Variants in PKP4 observed in about 807,000 individuals in gnomAD.
PKP4 encodes the protein plakophilin 4, also known as plakophilin-4.
Under a neutral mutation model 145.1 loss-of-function variants are expected in PKP4, and 90 were observed. The observed-to-expected ratio is 0.62, with a 90% CI of 0.52 to 0.74. The LOEUF is 0.74. PKP4 is among the 30% of genes least tolerant of loss of function. The pLI, the probability that PKP4 is intolerant of heterozygous loss-of-function variation, is 0.00. For missense variants in PKP4, 1,340 were observed against 1,482.7 expected (o/e 0.90, Z 1.58); for synonymous variants, 563 against 577.2 (o/e 0.98, Z 0.35).
chr2:158,533,287 A>G lies in PKP4; in HGVS notation c.103A>G (p.Thr35Ala), dbSNP rs1168104813. The change falls in exon 2 of 22, where the codon ACC (threonine) becomes GCC (alanine). Residue 35 changes from threonine (T) to alanine (A), a missense_variant. Coordinates refer to ENST00000389759, the MANE Select transcript of PKP4 (RefSeq NM_003628.6). ...GPGMEPETTATTILASVKEQE... is the reference protein window; with the variant it reads ...GPGMEPETTAATILASVKEQE... The stretch of plus-strand genomic sequence containing the variant: ...AGGCATGGAACCCGAGACCACAGCC[A>G]CCACTATTCTAGCATCCGTGAAGGA... 2 of 1,614,104 alleles carry G rather than the reference A, an allele frequency of 1.2e-6. No individual in the cohort carries two copies. Among genetic ancestry groups the G allele is most frequent in the African/African-American group, 1.3e-5 (1 of 74,942 alleles).
chr2:158,614,987 G>A (rs2051455202), intron 4 of PKP4, among the ~76,000 whole-genome samples: 2 of 150,620 alleles, frequency 1.3e-5, no homozygotes, highest in Non-Finnish European at 3.0e-5. Flanking sequence ...TAGTCTGCAT[G>A]TGGCTTTATC....
chr2:158,679,059 G>A (rs1275124065), intron 21 of PKP4: 5 of 172,372 alleles, frequency 2.9e-5, no homozygotes, highest in East Asian at 1.5e-4. Context: ...TCTCCATCTC[G>A]CCCCTCCCTG....
intron 2 of PKP4, among the ~76,000 whole-genome samples, chr2:158,537,356 G>C (rs1028101700): frequency 2.0e-5 from 3 of 152,204 alleles, no homozygotes; most frequent in African/African-American, 2.4e-5. Context: ...CGAAAGTTAA[G>C]TTTAGGGAAT....
chr2:158,501,384 C>T (rs899551981), intron 1 of PKP4, among the ~76,000 whole-genome samples: 19 of 152,334 alleles, frequency 1.2e-4, no homozygotes, highest in African/African-American at 4.1e-4. Flanking sequence ...TTGCTACATG[C>T]CAGGTTGGTT....
chr2:158,535,310 G>C (rs889006817), intron 2 of PKP4, among the ~76,000 whole-genome samples: 15 of 152,174 alleles, frequency 9.9e-5, no homozygotes, highest in Non-Finnish European at 8.8e-5. Flanking sequence ...AAAATTTACT[G>C]GTCAGAGTGT....
chr2:158,497,931 G>T (rs1695978066), intron 1 of PKP4, among the ~76,000 whole-genome samples: 1 of 152,184 alleles, frequency 6.6e-6, no homozygotes. Context: ...CAAAACAGAA[G>T]TGTAGGGTGG....
chr2:158,488,331 A>G (rs1694470716), intron 1 of PKP4, among the ~76,000 whole-genome samples: 1 of 152,160 alleles, frequency 6.6e-6, no homozygotes, highest in African/African-American at 2.4e-5. Flanking sequence ...GCTTCTCATC[A>G]ACACTTTTCC....
intron 2 of PKP4, among the ~76,000 whole-genome samples, chr2:158,561,932 C>A (rs2046561372): frequency 6.7e-6 from 1 of 149,250 alleles, no homozygotes; most frequent in Non-Finnish European, 1.5e-5. Flanking sequence ...CCCCCCAGCC[C>A]CCCACCCCCC....
chr2:158,514,231 G>T (rs2041754504), intron 1 of PKP4, among the ~76,000 whole-genome samples: 1 of 152,298 alleles, frequency 6.6e-6, no homozygotes, highest in African/African-American at 2.4e-5. Flanking sequence ...GATCTGCTGA[G>T]AATGCAGTGG....
intron 1 of PKP4, among the ~76,000 whole-genome samples, chr2:158,528,626 T>G (rs1574308014): frequency 4.8e-5 from 2 of 41,446 alleles, no homozygotes; most frequent in South Asian, 2.9e-3. Flanking sequence ...CCCTAGAACT[T>G]AAAGTATAAT....
rs1198567417 is a variant in PKP4, at chr2:158,658,027, GT to G, written c.1910-101del. 1.1e-5 allele frequency: 8 copies of G among 724,262 alleles called. No individual in the cohort carries two copies. The African/African-American group carries it at 1.3e-4, about 11-fold the overall frequency. 44.9% of individuals were successfully genotyped at this position (724,262 alleles called of 1,614,324 possible). On this transcript the variant is annotated intron_variant, in intron 11 of 21. Coordinates refer to ENST00000389759, the MANE Select transcript of PKP4 (RefSeq NM_003628.6). ...GTTGCAAATATAGGCCATAGATTAG[GT>G]TTGGAACAGACTGACTTCATATTAA...
chr2:158,546,794 T>C (rs1261925756), intron 2 of PKP4, among the ~76,000 whole-genome samples: 2 of 151,952 alleles, frequency 1.3e-5, no homozygotes, highest in Non-Finnish European at 2.9e-5. Context: ...AATGCTGAAA[T>C]CTCAAAGTTG....
At chr2:158,654,999 A>T (rs938679673) in intron 11 of PKP4, among the ~76,000 whole-genome samples, 1 of 152,168 alleles carries the variant, frequency 6.6e-6, no homozygotes, top group African/African-American at 2.4e-5. Flanking sequence ...CAGCATATAA[A>T]TGTTCATCTT....
intron 4 of PKP4, among the ~76,000 whole-genome samples, chr2:158,605,406 C>T (rs1454285448): frequency 1.3e-5 from 2 of 152,012 alleles, no homozygotes; most frequent in Non-Finnish European, 2.9e-5. Flanking sequence ...AAAATATATA[C>T]ACAAGGAAGT....
intron 14 of PKP4, 78 bp from the exon 15 acceptor site, chr2:158,663,194 C>T (rs370619409): frequency 6.5e-7 from 1 of 1,526,830 alleles, no homozygotes. Context: ...TAGCTGAGTC[C>T]CGCAAAGGTG....
At chr2:158,517,962 A>T (rs1355370997) in intron 1 of PKP4, among the ~76,000 whole-genome samples, 1 of 152,206 alleles carries the variant, frequency 6.6e-6, no homozygotes, top group South Asian at 2.1e-4. Context: ...ATCAGATATT[A>T]TACTGAAAAA....
At chr2:158,559,812 T>A (rs2046371404) in intron 2 of PKP4, among the ~76,000 whole-genome samples, 1 of 152,164 alleles carries the variant, frequency 6.6e-6, no homozygotes, top group South Asian at 2.1e-4. Flanking sequence ...TTTGGGTTGC[T>A]TTAAATCAGT....
chr2:158,643,723 A>AG (rs1558941873), intron 11 of PKP4, among the ~76,000 whole-genome samples: 2 of 141,810 alleles, frequency 1.4e-5, no homozygotes, highest in Non-Finnish European at 3.1e-5. Context: ...AAAAAAAAAA[A>AG]AAAAAGAAAA....
Position 158,631,894 on chromosome 2 carries a change from C to A in PKP4, c.1295C>A (p.Thr432Asn). The A allele has an allele frequency of 6.2e-7, 1 of 1,614,142 alleles. No individual in the cohort carries two copies. Reference sequence around the variant, plus strand: ...GTGTACCGCAGCCCAAACCATGGAACTGTGGAGCTCCAAGGATCGCAGACG... The same window carrying A: ...GTGTACCGCAGCCCAAACCATGGAAATGTGGAGCTCCAAGGATCGCAGACG... The part of the protein sequence containing the change: ...SPVYRSPNHG[T>N]VELQGSQTAL... Residue 432 changes from threonine (T) to asparagine (N), a missense_variant, in exon 8 of 22, where the codon ACT (threonine) becomes AAT (asparagine). By Grantham distance (65) the Thr-to-Asn change is moderately conservative. Transcript: ENST00000389759.
Sources: allele counts gnomAD v4.1 joint callset (sites outside exome capture counted in the v4.1 genomes callset), GRCh38; gene constraint gnomAD v4.1.1; transcripts MANE v1.5; gene names NCBI Gene and HGNC (gene_info 2026-07-23, HGNC 2026-07-21).